ICA1L: variants seen among roughly 807,000 people sequenced by gnomAD.
The protein encoded by ICA1L is islet cell autoantigen 1 like, also known as islet cell autoantigen 1-like protein.
A neutral mutation model predicts 61.3 loss-of-function variants in ICA1L; 50 were observed. The observed-to-expected ratio is 0.82, with a 90% confidence interval of 0.65 to 1.03. The LOEUF (loss-of-function observed/expected upper bound fraction) is 1.03. ICA1L is among the 50% of genes least tolerant of loss of function. The pLI is 0.00. For synonymous variants in ICA1L, 161 were observed against 191.3 expected, an observed-to-expected ratio of 0.84 and a Z score of 1.31; for missense variants, 508 against 556.7, an observed-to-expected ratio of 0.91 and a Z score of 0.88.
intron 9 of ICA1L, among the ~76,000 whole-genome samples, chr2:202,798,947 T>C (rs1693015409): frequency 6.6e-6 from 1 of 152,196 alleles, no homozygotes; most frequent in African/African-American, 2.4e-5. Context: ...CTGCAAATAA[T>C]AGGATTTCAT....
intron 1 of ICA1L, among the ~76,000 whole-genome samples, chr2:202,839,369 G>T (rs1439692189): frequency 6.6e-6 from 1 of 151,874 alleles, no homozygotes; most frequent in Non-Finnish European, 1.5e-5. Flanking sequence ...TGTGGTGGCA[G>T]GCACCTGTAG....
chr2:202,866,813 G>T (rs1687529965), intron 1 of ICA1L, among the ~76,000 whole-genome samples: 2 of 152,202 alleles, frequency 1.3e-5, no homozygotes, highest in Admixed American at 1.3e-4. Context: ...TGGGTGAGGT[G>T]GCAGGCTCCT....
At chr2:202,866,053 A>C (rs1430832381) in intron 1 of ICA1L, among the ~76,000 whole-genome samples, 1 of 152,246 alleles carries the variant, frequency 6.6e-6, no homozygotes, top group African/African-American at 2.4e-5. Context: ...TGCTGAGAAA[A>C]ATTAAAGAAC....
chr2:202,820,224 A>G (rs1693659795), intron 4 of ICA1L, among the ~76,000 whole-genome samples: 1 of 152,036 alleles, frequency 6.6e-6, no homozygotes. Context: ...AAATGCAAAA[A>G]ATTAGCCAGG....
intron 9 of ICA1L, among the ~76,000 whole-genome samples, chr2:202,799,254 T>C (rs1055555949): frequency 2.0e-5 from 3 of 152,200 alleles, no homozygotes; most frequent in African/African-American, 2.4e-5. Flanking sequence ...ATAACAGTCC[T>C]CTTTTCTCTG....
At chr2:202,783,521 T>G (rs1056926571) in intron 12 of ICA1L, among the ~76,000 whole-genome samples, 2 of 152,188 alleles carry the variant, frequency 1.3e-5, no homozygotes, top group Admixed American at 1.3e-4. Flanking sequence ...TAAACCCAAA[T>G]TCAAGGAATA....
intron 1 of ICA1L, among the ~76,000 whole-genome samples, chr2:202,843,130 G>C (rs1490073443): frequency 6.6e-6 from 1 of 152,080 alleles, no homozygotes; most frequent in Non-Finnish European, 1.5e-5. Context: ...GTTTATATAT[G>C]TCCATTTCTT....
intron 8 of ICA1L, among the ~76,000 whole-genome samples, 198 bp from the exon 9 acceptor site, chr2:202,811,987 T>A (rs1693392701): frequency 6.6e-6 from 1 of 152,138 alleles, no homozygotes; most frequent in East Asian, 1.9e-4. Context: ...CACCCCTTAT[T>A]CCTTCAATAA....
At chr2:202,782,752 G>GT (rs796321822) in intron 12 of ICA1L, among the ~76,000 whole-genome samples, 13 of 149,572 alleles carry the variant, frequency 8.7e-5, no homozygotes, top group East Asian at 3.9e-4. Flanking sequence ...TTGGTGAGAA[G>GT]TTTTTTTTTT....
At chr2:202,852,038 T>C (rs1460451025) in intron 1 of ICA1L, among the ~76,000 whole-genome samples, 1 of 152,238 alleles carries the variant, frequency 6.6e-6, no homozygotes, top group African/African-American at 2.4e-5. Context: ...ATTTTGGCTT[T>C]TGTTGCCATT....
chr2:202,774,313 G>C lies in ICA1L; in HGVS notation c.*5220C>G. ...TACGGGCGACCGCGGACGGCGGCGCGCGCGTTCCCCGCAGCGCTGAGGCGA... is the reference window on the plus strand; with the variant it reads ...TACGGGCGACCGCGGACGGCGGCGCCCGCGTTCCCCGCAGCGCTGAGGCGA... On this transcript the variant is annotated 3_prime_UTR_variant, in exon 13 of 13. Transcript: ENST00000358299. 1 of 1,497,392 alleles carries C rather than the reference G, an allele frequency of 6.7e-7. No individual in the cohort carries two copies. Among genetic ancestry groups the C allele is most frequent in the East Asian group, 2.5e-5 (1 of 39,658 alleles). 92.8% of individuals were successfully genotyped at this position (1,497,392 alleles called of 1,614,324 possible).
intron 11 of ICA1L, among the ~76,000 whole-genome samples, chr2:202,787,927 C>T (rs559355131): frequency 6.6e-6 from 1 of 152,170 alleles, no homozygotes; most frequent in Non-Finnish European, 1.5e-5. Context: ...GGATTGGGAT[C>T]TAATACTCAG....
chr2:202,871,516 GC>G (rs201496915), intron 1 of ICA1L, 102 bp downstream of exon 1: 2,005 of 152,268 alleles, frequency 0.013, 22 homozygotes, highest in Middle Eastern at 0.038. Flanking sequence ...CTCCCGCCGC[GC>G]CCCCGCCTCC....
chr2:202,797,528 G>A lies in ICA1L; in HGVS notation c.911-564C>T, dbSNP rs562329466. ...ACTGCTCTCTTAACAATTGGTTGTC[G>A]TTGTTGTTTTTGAGACAGAGTCTTG... is the stretch of plus-strand genomic sequence containing the variant. On this transcript the variant is annotated intron_variant, in intron 9 of 12. Coordinates refer to ENST00000358299, the MANE Select transcript of ICA1L (RefSeq NM_001288622.3). Among the ~76,000 whole-genome samples, 67 of 151,966 alleles carry A rather than the reference G, an allele frequency of 4.4e-4. 1 individual carries two copies. In the South Asian group the frequency reaches 0.013, roughly 30 times the overall value.
At chr2:202,838,054 A>G (rs1285992265) in intron 1 of ICA1L, among the ~76,000 whole-genome samples, 2 of 151,780 alleles carry the variant, frequency 1.3e-5, no homozygotes, top group Admixed American at 6.6e-5. Context: ...GGGTTTCACC[A>G]TGTTGGCCAG....
rs1381351813 is a variant in ICA1L at position 202,776,675 on chromosome 2, A to C, written c.*2858T>G. 6.6e-6 allele frequency: 1 copy of C among 152,364 alleles called. No homozygotes were observed. Among genetic ancestry groups the C allele is most frequent in the East Asian group, 1.9e-4 (1 of 5,190 alleles). 9.4% of individuals were successfully genotyped at this position (152,364 alleles called of 1,614,324 possible). A position where few individuals can be genotyped will look rare whatever the true frequency, so the allele number is the denominator to read the frequency against. ...CCTTCATCTTAATATAGTTACTGAT[A>C]TGCTCTTCAAAAACAGTGGTTGGAC... is the stretch of plus-strand genomic sequence containing the variant. On this transcript the variant is annotated 3_prime_UTR_variant, in exon 13 of 13. Coordinates refer to ENST00000358299, the MANE Select transcript of ICA1L (RefSeq NM_001288622.3).
chr2:202,783,408 A>G (rs962037558), intron 12 of ICA1L, among the ~76,000 whole-genome samples: 5 of 152,260 alleles, frequency 3.3e-5, no homozygotes, highest in African/African-American at 9.6e-5. Context: ...CAAAATAGAC[A>G]TCATGCACCC....
At chr2:202,815,769 G>A (rs969955917) in intron 7 of ICA1L, 142 bp downstream of exon 7, 7 of 466,120 alleles carry the variant, frequency 1.5e-5, no homozygotes, top group Non-Finnish European at 2.6e-5. Context: ...TTAGGAAAGT[G>A]CTGACCCTTG....
At chr2:202,782,359 A>C (rs1692434231) in intron 12 of ICA1L, among the ~76,000 whole-genome samples, 1 of 151,758 alleles carries the variant, frequency 6.6e-6, no homozygotes, top group South Asian at 2.1e-4. Flanking sequence ...AAACAAAAAC[A>C]AAAACAAAAC....
Sources: gnomAD v4.1 joint callset for allele counts (sites outside exome capture counted in the v4.1 genomes callset) on GRCh38, gnomAD v4.1.1 for gene constraint, MANE v1.5 for transcripts, NCBI Gene and HGNC (gene_info 2026-07-23, HGNC 2026-07-21) for gene names.